BIRC6: variants seen among roughly 807,000 people sequenced by gnomAD.
BIRC6 encodes dual E2 ubiquitin-conjugating enzyme/E3 ubiquitin-protein ligase BIRC6.
A neutral mutation model predicts 503.3 loss-of-function variants in BIRC6; 98 were observed. The observed-to-expected ratio is 0.19, with a 90% CI of 0.17 to 0.23. The LOEUF is 0.23. Ranked by LOEUF, BIRC6 falls within the 10% of genes least tolerant of loss-of-function variation. BIRC6 has a pLI of 1.00. For missense variants in BIRC6, 5,360 were observed against 5,806.0 expected (o/e 0.92, Z 2.50); for synonymous variants, 2,240 against 2,078.7 (o/e 1.08, Z -2.11).
At chr2:32,368,576 A>C (rs1275000124) in intron 1 of BIRC6, among the ~76,000 whole-genome samples, 1 of 152,082 alleles carries the variant, frequency 6.6e-6, no homozygotes, top group Admixed American at 6.6e-5. Flanking sequence ...TAAAAAATAA[A>C]ACAGGAGTTC....
At chr2:32,467,418 T>A in intron 26 of BIRC6, 107 bp from the exon 27 acceptor site, 1 of 856,486 alleles carries the variant, frequency 1.2e-6, no homozygotes, top group Non-Finnish European at 1.8e-6. Flanking sequence ...ATTTATAGTT[T>A]AGTGAGTTGC....
chr2:32,459,391 GGTTTTGTTTT>G (rs1235448215), intron 23 of BIRC6, among the ~76,000 whole-genome samples: 1 of 151,958 alleles, frequency 6.6e-6, no homozygotes, highest in Non-Finnish European at 1.5e-5. Flanking sequence ...TGTTTGTGTA[GGTTTTGTTTT>G]GTTTTGTTTT....
intron 41 of BIRC6, 86 bp downstream of exon 41, chr2:32,487,887 C>T: frequency 8.8e-7 from 1 of 1,133,952 alleles, no homozygotes; most frequent in Non-Finnish European, 1.3e-6. Context: ...TCATTCTAAT[C>T]CTGTCAGGGA....
chr2:32,487,064 A>G (rs1465669099), intron 40 of BIRC6, among the ~76,000 whole-genome samples: 1 of 152,028 alleles, frequency 6.6e-6, no homozygotes. Context: ...TCTCCTCTTT[A>G]TCTTTTGATT....
At chr2:32,525,118 T>A in intron 58 of BIRC6, 99 bp downstream of exon 58, 2 of 1,078,506 alleles carry the variant, frequency 1.9e-6, no homozygotes, top group Non-Finnish European at 2.5e-6. Context: ...TGTACTAATA[T>A]AAAAAGCTGA....
In BIRC6 at chr2:32,442,234, A is replaced by AT; in HGVS notation, c.4106+10dup. 1 of 1,602,488 alleles carries AT rather than the reference A, an allele frequency of 6.2e-7. No individual in the cohort carries two copies. The highest frequency in any genetic ancestry group is 1.3e-5 in the African/African-American group (1 of 74,416). Reference sequence around the variant, plus strand: ...TTCAAATGGACCCGGAAGGTTAATAATTAAAATTTTGCTTACCACTGTTGA... The same window carrying AT: ...TTCAAATGGACCCGGAAGGTTAATAATTTAAAATTTTGCTTACCACTGTTGA... On this transcript the variant is annotated intron_variant, in intron 18 of 73. Transcript: ENST00000421745.
At chr2:32,568,451 C>G (rs1438905702) in intron 65 of BIRC6, among the ~76,000 whole-genome samples, 1 of 136,094 alleles carries the variant, frequency 7.3e-6, no homozygotes, top group African/African-American at 2.8e-5. Flanking sequence ...ATGGTTACAC[C>G]ATTGCACTCC....
chr2:32,506,347 T>C (rs1018994066), intron 50 of BIRC6, among the ~76,000 whole-genome samples: 1 of 152,252 alleles, frequency 6.6e-6, no homozygotes. Flanking sequence ...TCTATGTGTT[T>C]GCAAGATTAG....
chr2:32,477,692 A>T, intron 35 of BIRC6, 109 bp downstream of exon 35: 1 of 687,256 alleles, frequency 1.5e-6, no homozygotes. Flanking sequence ...TGAGTCTAGG[A>T]GTTCCAGACT....
At chr2:32,421,455 T>C (rs1039578773) in intron 10 of BIRC6, among the ~76,000 whole-genome samples, 3 of 152,198 alleles carry the variant, frequency 2.0e-5, no homozygotes, top group Non-Finnish European at 2.9e-5. Context: ...TTTTCTAATA[T>C]AGGAAATTTA....
intron 52 of BIRC6, 35 bp downstream of exon 52, chr2:32,510,029 A>G: frequency 6.2e-7 from 1 of 1,605,418 alleles, no homozygotes; most frequent in Non-Finnish European, 8.5e-7. Context: ...ATGTTTACAT[A>G]TCTGTAAAGT....
rs1233464418 is a variant in BIRC6 at position 32,499,279 on chromosome 2, C to G, written c.8469-268C>G. Among the ~76,000 whole-genome samples, 3 of 152,214 alleles carry G rather than the reference C, an allele frequency of 2.0e-5. No individual in the cohort carries two copies. In the East Asian group the frequency reaches 5.8e-4, roughly 29 times the overall value. On this transcript the variant is annotated intron_variant, in intron 45 of 73. Transcript: ENST00000421745. Reference sequence around the variant, plus strand: ...TTTGTCTGTAGCTTCAAAATCACTTCCGGATATACTTGTCCCTTAGTTTTG... The same window carrying G: ...TTTGTCTGTAGCTTCAAAATCACTTGCGGATATACTTGTCCCTTAGTTTTG...
In BIRC6 at chr2:32,414,810, A is replaced by G; in HGVS notation, c.1519A>G (p.Ile507Val). The G allele has an allele frequency of 6.2e-7, 1 of 1,613,966 alleles. No homozygotes were observed. Among genetic ancestry groups the G allele is most frequent in the Non-Finnish European group, 8.5e-7 (1 of 1,179,874 alleles). Residue 507 changes from isoleucine (I) to valine (V), a missense_variant, in exon 10 of 74, where the codon ATA (isoleucine) becomes GTA (valine). By Grantham distance (29) the Ile-to-Val change is conservative. Coordinates refer to ENST00000421745, the MANE Select transcript of BIRC6 (RefSeq NM_016252.4). ...GGAAGCCATGGAAGTAAGCCTTGAT[A>G]TAACAGCACTCAGCATTCTCCAACA... ...QKEAMEVSLD[I>V]TALSILQQPE...
intron 3 of BIRC6, among the ~76,000 whole-genome samples, chr2:32,381,013 A>G (rs938115934): frequency 2.6e-5 from 4 of 152,172 alleles, no homozygotes; most frequent in African/African-American, 9.7e-5. Context: ...AGTGCTTTCA[A>G]TTAAATCCTT....
intron 61 of BIRC6, among the ~76,000 whole-genome samples, chr2:32,542,049 T>C (rs1023227247): frequency 3.3e-5 from 5 of 152,132 alleles, no homozygotes; most frequent in Admixed American, 6.5e-5. Flanking sequence ...AATTCTGCTA[T>C]CTTTATTTAT....
chr2:32,380,988 A>C (rs2037555491), intron 3 of BIRC6, among the ~76,000 whole-genome samples: 1 of 152,116 alleles, frequency 6.6e-6, no homozygotes, highest in Non-Finnish European at 1.5e-5. Context: ...GCATACTGGG[A>C]TGTATATGAG....
chr2:32,535,176 AG>A (rs1219087357), intron 61 of BIRC6, among the ~76,000 whole-genome samples: 6 of 146,636 alleles, frequency 4.1e-5, no homozygotes, highest in African/African-American at 1.5e-4. Context: ...AAAAAAAAAA[AG>A]CTAAGACAAT....
intron 57 of BIRC6, 154 bp downstream of exon 57, chr2:32,519,100 C>T (rs974699480): frequency 7.0e-5 from 52 of 746,488 alleles, no homozygotes; most frequent in Non-Finnish European, 9.0e-5. Flanking sequence ...CATAAGAAGC[C>T]AGTCAAGTGG....
At chr2:32,466,744 T>C (rs1185027194) in intron 26 of BIRC6, among the ~76,000 whole-genome samples, 1 of 152,226 alleles carries the variant, frequency 6.6e-6, no homozygotes, top group Admixed American at 6.5e-5. Context: ...CTTGTTTGTA[T>C]AGTGGTTGAT....
Sources: allele counts gnomAD v4.1 joint callset (sites outside exome capture counted in the v4.1 genomes callset), GRCh38; gene constraint gnomAD v4.1.1; transcripts MANE v1.5; gene names NCBI Gene and HGNC (gene_info 2026-07-23, HGNC 2026-07-21).